The following NPSR1 variants were observed in gnomAD, a reference collection of about 807,000 sequenced individuals.
NPSR1 encodes the protein neuropeptide S receptor 1.
Under a neutral mutation model 46.9 loss-of-function variants are expected in NPSR1, and 48 were observed. The observed-to-expected ratio is 1.02, with a 90% CI of 0.81 to 1.30. The LOEUF (loss-of-function observed/expected upper bound fraction) is 1.30. NPSR1 is among the 50% of genes most tolerant of loss of function. The pLI is 0.00. For synonymous variants in NPSR1, 176 were observed against 168.1 expected (o/e 1.05, Z -0.36); for missense variants, 450 against 449.5 (o/e 1.00, Z -0.01).
intron 4 of NPSR1, among the ~76,000 whole-genome samples, chr7:34,819,853 T>C (rs527976945): frequency 3.3e-5 from 5 of 152,188 alleles, no homozygotes; most frequent in East Asian, 1.9e-4. Flanking sequence ...TTCTCACTCA[T>C]AGGTGGGAAC....
At chr7:34,771,284 A>G (rs1164909636) in intron 2 of NPSR1, among the ~76,000 whole-genome samples, 1 of 152,232 alleles carries the variant, frequency 6.6e-6, no homozygotes, top group African/African-American at 2.4e-5. Flanking sequence ...AAATTTTTAA[A>G]AAGTAAAAGT....
intron 4 of NPSR1, among the ~76,000 whole-genome samples, chr7:34,812,652 A>C (rs935548962): frequency 6.6e-6 from 1 of 152,194 alleles, no homozygotes; most frequent in African/African-American, 2.4e-5. Flanking sequence ...CATATTCACA[A>C]GACTAGCTGC....
In NPSR1 at chr7:34,704,695, T is replaced by C. The variant is rs139699639; in HGVS notation, c.280+20011T>C. Among the ~76,000 whole-genome samples the C allele has an allele frequency of 6.6e-5, 10 of 152,284 alleles. No individual in the cohort carries two copies. In the East Asian group the frequency reaches 1.9e-3, roughly 29 times the overall value. ...CTCAAAAGGCTGAGTGGAAAAGCTT[T>C]GCAAGGGGGAAAAAAAGGCAGGGTC... is the stretch of plus-strand genomic sequence containing the variant. On this transcript the variant is annotated intron_variant, in intron 2 of 8. Transcript: ENST00000360581.
chr7:34,713,253 A>G (rs891565628), intron 2 of NPSR1, among the ~76,000 whole-genome samples: 1 of 152,212 alleles, frequency 6.6e-6, no homozygotes, highest in Non-Finnish European at 1.5e-5. Flanking sequence ...AACCAAGGAC[A>G]TAATCTCACT....
chr7:34,664,173 G>A (rs1319692175), intron 1 of NPSR1, among the ~76,000 whole-genome samples: 2 of 152,194 alleles, frequency 1.3e-5, no homozygotes, highest in Admixed American at 6.5e-5. Flanking sequence ...TCATTTCAAT[G>A]AGGCAGTGTG....
intron 5 of NPSR1, among the ~76,000 whole-genome samples, chr7:34,831,997 C>T (rs1790144724): frequency 6.6e-6 from 1 of 152,170 alleles, no homozygotes; most frequent in Non-Finnish European, 1.5e-5. Context: ...GAATACATGG[C>T]CATGGTGGGT....
chr7:34,718,473 C>A (rs1487788820), intron 2 of NPSR1, among the ~76,000 whole-genome samples: 4 of 152,190 alleles, frequency 2.6e-5, no homozygotes, highest in Non-Finnish European at 5.9e-5. Context: ...GAGGCCCTGA[C>A]CCTACTCAAA....
At chr7:34,745,350 T>C (rs1234585440) in intron 2 of NPSR1, among the ~76,000 whole-genome samples, 2 of 152,204 alleles carry the variant, frequency 1.3e-5, no homozygotes, top group Non-Finnish European at 2.9e-5. Context: ...TTTCTCTTTT[T>C]ATTGGTTCCA....
At chr7:34,859,201 T>G (rs1244113729) in intron 8 of NPSR1, among the ~76,000 whole-genome samples, 2 of 151,746 alleles carry the variant, frequency 1.3e-5, no homozygotes, top group African/African-American at 2.4e-5. Context: ...GGAACATTGA[T>G]GCCAACATTT....
intron 2 of NPSR1, among the ~76,000 whole-genome samples, chr7:34,745,379 T>G (rs1049856551): frequency 9.2e-5 from 14 of 152,186 alleles, no homozygotes; most frequent in African/African-American, 3.1e-4. Context: ...ATCAACATAT[T>G]CATTGAGATT....
chr7:34,858,830 T>C (rs13309904), intron 8 of NPSR1, among the ~76,000 whole-genome samples: 2 of 151,444 alleles, frequency 1.3e-5, no homozygotes, highest in African/African-American at 2.4e-5. Flanking sequence ...TTCCACAACA[T>C]GTGGGAATTA....
At chr7:34,756,434 G>T (rs1785852969) in intron 2 of NPSR1, among the ~76,000 whole-genome samples, 1 of 152,116 alleles carries the variant, frequency 6.6e-6, no homozygotes, top group Admixed American at 6.6e-5. Context: ...AAAGAGCAGG[G>T]GTCTAAGGTC....
At chr7:34,760,093 G>A (rs1786089454) in intron 2 of NPSR1, among the ~76,000 whole-genome samples, 1 of 152,294 alleles carries the variant, frequency 6.6e-6, no homozygotes, top group Middle Eastern at 3.4e-3. Context: ...TATTGGATTA[G>A]CTGGCATGCA....
Position 34,801,929 on chromosome 7 carries a change from T to A in NPSR1, c.385-9841T>A, listed in dbSNP as rs199603785. On this transcript the variant is annotated intron_variant, in intron 3 of 8. Coordinates refer to ENST00000360581, the MANE Select transcript of NPSR1 (RefSeq NM_207172.2). Reference sequence around the variant, plus strand: ...ATTCTTATACACCAATAACAGACAATCAGAGAGCCAAATCATGAGGGAACA... The same window carrying A: ...ATTCTTATACACCAATAACAGACAAACAGAGAGCCAAATCATGAGGGAACA... 1.5e-4 allele frequency among the ~76,000 whole-genome samples: 23 copies of A among 149,684 alleles called. No homozygotes were observed. The East Asian group carries it at 3.9e-3, about 25-fold the overall frequency.
At chr7:34,781,514 A>G (rs1787231128) in intron 3 of NPSR1, among the ~76,000 whole-genome samples, 1 of 152,198 alleles carries the variant, frequency 6.6e-6, no homozygotes, top group Admixed American at 6.5e-5. Flanking sequence ...GGTGGAAGCT[A>G]TCAGTATTAG....
intron 3 of NPSR1, among the ~76,000 whole-genome samples, chr7:34,784,629 A>T (rs1392982921): frequency 6.6e-6 from 1 of 152,138 alleles, no homozygotes; most frequent in Non-Finnish European, 1.5e-5. Context: ...CATCAAGGAT[A>T]TTGGTCTAAA....
At chr7:34,848,731 G>A in intron 8 of NPSR1, 68 bp downstream of exon 8, 1 of 1,389,640 alleles carries the variant, frequency 7.2e-7, no homozygotes, top group Non-Finnish European at 1.0e-6. Context: ...CCAACATGTG[G>A]GTTTCTCATG....
chr7:34,695,669 A>G (rs1347933320), intron 2 of NPSR1, among the ~76,000 whole-genome samples: 2 of 152,212 alleles, frequency 1.3e-5, no homozygotes, highest in African/African-American at 4.8e-5. Context: ...TCTCAAAATT[A>G]GAAATACTAG....
At chr7:34,677,458 T>C (rs1392675160) in intron 1 of NPSR1, among the ~76,000 whole-genome samples, 1 of 152,222 alleles carries the variant, frequency 6.6e-6, no homozygotes, top group African/African-American at 2.4e-5. Context: ...AAAACTACCC[T>C]GAGTTCACTG....
Sources: allele counts gnomAD v4.1 joint callset (sites outside exome capture counted in the v4.1 genomes callset), GRCh38; gene constraint gnomAD v4.1.1; transcripts MANE v1.5; gene names NCBI Gene and HGNC (gene_info 2026-07-23, HGNC 2026-07-21).